Variants in GGA1 observed in about 807,000 individuals in gnomAD.
GGA1 encodes the protein golgi associated, gamma adaptin ear containing, ARF binding protein 1.
A neutral mutation model predicts 76.9 loss-of-function variants in GGA1; 18 were observed. The observed-to-expected ratio is 0.23, with a 90% CI of 0.16 to 0.35. The LOEUF (loss-of-function observed/expected upper bound fraction) is 0.35. Ranked by LOEUF, GGA1 falls within the 10% of genes least tolerant of loss-of-function variation. The pLI, the probability that GGA1 is intolerant of heterozygous loss-of-function variation, is 1.00. For synonymous variants in GGA1, 342 were observed against 354.7 expected, an observed-to-expected ratio of 0.96 and a Z score of 0.40; for missense variants, 755 against 859.0, an observed-to-expected ratio of 0.88 and a Z score of 1.51.
intron 5 of GGA1, 55 bp from the exon 6 acceptor site, chr22:37,620,758 C>T (rs1929726033): frequency 1.8e-6 from 2 of 1,090,362 alleles, no homozygotes; most frequent in Admixed American, 1.7e-5. Context: ...CCATGTCACC[C>T]CTACCCCTGG....
Position 37,632,848 on chromosome 22 carries a change from G to A in GGA1, c.*137G>A, listed in dbSNP as rs2146020129. ...GCCTGGTGCTTCTCCCCACACCCCT[G>A]TAGGCCTCAAGTGACTCTTCCCCCT... On this transcript the variant is annotated 3_prime_UTR_variant, in exon 17 of 17. Transcript: ENST00000343632. This position sits in a 1 kb window ranked among gnomAD's most constrained non-coding sequence, Gnocchi z 5.1. The A allele has an allele frequency of 1.6e-6, 1 of 630,714 alleles. No homozygotes were observed. Among genetic ancestry groups the A allele is most frequent in the Non-Finnish European group, 2.9e-6 (1 of 346,838 alleles). 39.1% of individuals were successfully genotyped at this position (630,714 alleles called of 1,614,324 possible). A position where few individuals can be genotyped will look rare whatever the true frequency, so the allele number is the denominator to read the frequency against.
chr22:37,609,174 C>G (rs1201633998), intron 1 of GGA1: 5 of 1,428,106 alleles, frequency 3.5e-6, no homozygotes, highest in South Asian at 2.6e-5. Flanking sequence ...GCCGGGAACC[C>G]CCGGGACGGA....
intron 2 of GGA1, among the ~76,000 whole-genome samples, chr22:37,615,428 G>A (rs957083340): frequency 6.6e-6 from 1 of 150,612 alleles, no homozygotes; most frequent in Non-Finnish European, 1.5e-5. Context: ...CAGCCTGGGC[G>A]ACGGAGTGAA....
chr22:37,614,561 T>A (rs1928388732), intron 2 of GGA1, among the ~76,000 whole-genome samples: 1 of 152,246 alleles, frequency 6.6e-6, no homozygotes, highest in Non-Finnish European at 1.5e-5. Context: ...CCAGGCCTGC[T>A]GGACCTGCAG....
chr22:37,628,671 C>T (rs1055831176), intron 11 of GGA1, among the ~76,000 whole-genome samples: 2 of 152,220 alleles, frequency 1.3e-5, no homozygotes, highest in African/African-American at 4.8e-5. Flanking sequence ...AGAAGTGCAT[C>T]TAGAAGGGAC....
intron 4 of GGA1, 94 bp downstream of exon 4, chr22:37,618,640 C>A: frequency 4.0e-6 from 3 of 741,164 alleles, no homozygotes. Context: ...TCCAGGGAGC[C>A]TCCCACTGGG....
chr22:37,623,765 G>A lies in GGA1; in HGVS notation c.832+132G>A, dbSNP rs1601538958. The A allele has an allele frequency of 1.4e-5, 9 of 647,696 alleles. No individual in the cohort carries two copies. In the East Asian group the frequency reaches 2.2e-4, roughly 16 times the overall value. The allele number at this position is 647,696 out of a possible 1,614,324, so 40.1% of individuals were successfully genotyped here. ...CCAGGGGGCCCCCTTCTCCAGCACC[G>A]ACCTTGGGTTTCTCCTCTCTGAGGA... On this transcript the variant is annotated intron_variant, in intron 9 of 16. Coordinates refer to ENST00000343632, the MANE Select transcript of GGA1 (RefSeq NM_013365.5). The surrounding 1 kb of genome is among the most constrained non-coding windows in gnomAD (Gnocchi z 4.6).
chr22:37,622,807 G>A (rs1169112148), intron 7 of GGA1, among the ~76,000 whole-genome samples: 5 of 152,350 alleles, frequency 3.3e-5, no homozygotes, highest in South Asian at 2.1e-4. Flanking sequence ...CACAGTAAGC[G>A]GAGGGGCAGG....
intron 7 of GGA1, 80 bp downstream of exon 7, chr22:37,621,776 C>G: frequency 1.1e-6 from 1 of 907,140 alleles, no homozygotes; most frequent in East Asian, 2.7e-5. Context: ...CTGTATGCAT[C>G]TTCACATGGA....
Position 37,621,034 on chromosome 22 carries a change from G to A in GGA1, c.528+121G>A, listed in dbSNP as rs758701977. The A allele has an allele frequency of 8.0e-5, 57 of 708,974 alleles. 1 individual carries two copies. Among genetic ancestry groups the A allele is most frequent in the Non-Finnish European group, 1.3e-4 (49 of 384,846 alleles). 43.9% of individuals were successfully genotyped at this position (708,974 alleles called of 1,614,324 possible). On this transcript the variant is annotated intron_variant, in intron 6 of 16. Coordinates refer to ENST00000343632, the MANE Select transcript of GGA1 (RefSeq NM_013365.5). ...GAGGCACACACTGAGCCCAGGCATC[G>A]TTGTAGATGATGGGCGCTGTTTACT...
At chr22:37,611,679 A>T (rs1019933614) in intron 1 of GGA1, among the ~76,000 whole-genome samples, 2 of 152,112 alleles carry the variant, frequency 1.3e-5, no homozygotes, top group African/African-American at 2.4e-5. Flanking sequence ...CCTCCTGTCC[A>T]CAGATCCTTC....
intron 1 of GGA1, 59 bp from the exon 2 acceptor site, chr22:37,614,131 G>C: frequency 8.8e-7 from 1 of 1,140,688 alleles, no homozygotes; most frequent in Non-Finnish European, 1.3e-6. Flanking sequence ...CCAGGGTCAG[G>C]AGTGGAAGAG....
intron 3 of GGA1, chr22:37,617,354 C>T: frequency 8.7e-7 from 1 of 1,147,668 alleles, no homozygotes; most frequent in Non-Finnish European, 1.1e-6. Context: ...GTATCTGCAT[C>T]CAGAGATCTG....
At chr22:37,616,797 G>C in intron 2 of GGA1, 125 bp from the exon 3 acceptor site, 1 of 1,229,676 alleles carries the variant, frequency 8.1e-7, no homozygotes, top group Non-Finnish European at 1.1e-6. Flanking sequence ...CTGGGGTGGT[G>C]ACCCTCCCCT....
Position 37,630,281 on chromosome 22 carries a change from T to C in GGA1, c.1331+111T>C. The C allele has an allele frequency of 5.1e-6, 4 of 779,120 alleles. No homozygotes were observed. In the South Asian group the frequency reaches 7.3e-5, roughly 14 times the overall value. The allele number at this position is 779,120 out of a possible 1,614,324, so 48.3% of individuals were successfully genotyped here. ...AGCAGGGAGAGGCTCGTTGCTGTCT[T>C]GTTTTGTAAGCAGCAGATGCCAAGC... On this transcript the variant is annotated intron_variant, in intron 13 of 16. Transcript: ENST00000343632.
Position 37,632,517 on chromosome 22 carries a change from T to G in GGA1, c.1809+2T>G. 1 of 1,608,680 alleles carries G rather than the reference T, an allele frequency of 6.2e-7. No individual in the cohort carries two copies. The highest frequency in any genetic ancestry group is 8.5e-7 in the Non-Finnish European group (1 of 1,175,298). On this transcript the variant is annotated splice_donor_variant, in intron 16 of 16. Transcript: ENST00000343632. LOFTEE classifies it high-confidence loss of function. The surrounding 1 kb of genome is among the most constrained non-coding windows in gnomAD (Gnocchi z 5.1). The stretch of plus-strand genomic sequence containing the variant: ...CTGCTGCTTGCCAACCCCCAGAAGG[T>G]AAGGGGCCCCCAGGCAGTGCTGCAG...
intron 11 of GGA1, among the ~76,000 whole-genome samples, chr22:37,627,673 C>T (rs894482788): frequency 1.1e-4 from 16 of 152,376 alleles, no homozygotes; most frequent in African/African-American, 3.8e-4. Flanking sequence ...AAGCGAGATG[C>T]AGCCGCACTT....
intron 11 of GGA1, 89 bp downstream of exon 11, chr22:37,626,038 T>G: frequency 9.4e-7 from 1 of 1,058,902 alleles, no homozygotes; most frequent in Non-Finnish European, 1.3e-6. Context: ...CGGAACCACG[T>G]ACCCCAGGTG....
chr22:37,630,144 GC>G lies in GGA1; in HGVS notation c.1310del (p.Pro437ArgfsTer79). ...LGKTLLQQSL[P>X]PESQQVRWEK... ...GGAAGACCCTCCTGCAGCAGTCGCT[GC>G]CCCCGGAATCCCAGCAAGTGCGGTG... On this transcript the variant is annotated frameshift_variant, in exon 13 of 17. Transcript: ENST00000343632. LOFTEE classifies it high-confidence loss of function. 1.9e-6 allele frequency: 3 copies of G among 1,594,890 alleles called. No homozygotes were observed. The highest frequency in any genetic ancestry group is 1.8e-5 in the Admixed American group (1 of 56,720).
Sources: gnomAD v4.1 joint callset for allele counts (sites outside exome capture counted in the v4.1 genomes callset) on GRCh38, gnomAD v4.1.1 for gene constraint, Gnocchi (gnomAD v3.1) non-coding constraint, MANE v1.5 for transcripts, NCBI Gene and HGNC (gene_info 2026-07-23, HGNC 2026-07-21) for gene names.